Variants in TNIK observed in about 807,000 individuals in gnomAD.
The protein encoded by TNIK is TRAF2 and NCK interacting kinase, also known as TRAF2 and NCK-interacting protein kinase.
Under a neutral mutation model 191.3 loss-of-function variants are expected in TNIK, and 49 were observed. The ratio of observed to expected loss-of-function variants is 0.26; its 90% CI spans 0.20 to 0.32. The LOEUF is 0.32. Among genes scored for constraint, TNIK ranks in the 10% least tolerant of loss-of-function variants. The probability of loss-of-function intolerance (pLI) is 1.00; values close to 1 mark genes in which losing one functional copy is unlikely to be tolerated. For synonymous variants in TNIK, 594 were observed against 600.9 expected (o/e 0.99, Z 0.17); for missense variants, 1,155 against 1,702.3 (o/e 0.68, Z 5.66).
intron 2 of TNIK, among the ~76,000 whole-genome samples, chr3:171,362,925 T>C (rs1438834045): frequency 6.6e-6 from 1 of 152,212 alleles, no homozygotes; most frequent in Non-Finnish European, 1.5e-5. Flanking sequence ...CCACATCTTG[T>C]GCCCATTCAG....
At chr3:171,068,023 G>A (rs774157069) in intron 30 of TNIK, among the ~76,000 whole-genome samples, 15 of 152,114 alleles carry the variant, frequency 9.9e-5, no homozygotes, top group Admixed American at 3.3e-4. Flanking sequence ...ACCAGTCAGC[G>A]GTAGCTTCAA....
chr3:171,182,382 T>G (rs1244007358), intron 7 of TNIK, among the ~76,000 whole-genome samples: 1 of 151,864 alleles, frequency 6.6e-6, no homozygotes, highest in East Asian at 1.9e-4. Flanking sequence ...AAGGAGAAAA[T>G]GCTCCAATTA....
intron 1 of TNIK, among the ~76,000 whole-genome samples, chr3:171,416,357 G>C (rs145091279): frequency 6.6e-6 from 1 of 152,104 alleles, no homozygotes; most frequent in Admixed American, 6.5e-5. Flanking sequence ...CACATATCCG[G>C]AATGTAGGGC....
intron 1 of TNIK, among the ~76,000 whole-genome samples, chr3:171,414,705 T>A (rs1220688817): frequency 2.6e-5 from 4 of 152,230 alleles, no homozygotes; most frequent in Non-Finnish European, 5.9e-5. Flanking sequence ...TATTCGCATA[T>A]CTTTACAAAG....
At chr3:171,244,060 G>GTTTTT (rs34724564) in intron 2 of TNIK, among the ~76,000 whole-genome samples, 120 of 135,934 alleles carry the variant, frequency 8.8e-4, no homozygotes, top group South Asian at 2.4e-3. Flanking sequence ...GACAGAAATA[G>GTTTTT]TTTTTTTTTT....
chr3:171,243,571 C>G (rs1485287036), intron 2 of TNIK, among the ~76,000 whole-genome samples: 5 of 152,134 alleles, frequency 3.3e-5, no homozygotes, highest in Non-Finnish European at 7.3e-5. Context: ...AAGTTAAATT[C>G]ATAGACTCCT....
At chr3:171,123,985 C>T (rs566983789) in intron 17 of TNIK, among the ~76,000 whole-genome samples, 1 of 152,284 alleles carries the variant, frequency 6.6e-6, no homozygotes, top group South Asian at 2.1e-4. Flanking sequence ...AATTTTGATA[C>T]ACTGAGCTAA....
chr3:171,169,126 C>A (rs1734970704), intron 9 of TNIK, among the ~76,000 whole-genome samples: 1 of 152,078 alleles, frequency 6.6e-6, no homozygotes, highest in Non-Finnish European at 1.5e-5. Flanking sequence ...AAACTCCATA[C>A]AGTACTTTTC....
At chr3:171,101,368 C>T (rs1723530258) in intron 22 of TNIK, 81 bp downstream of exon 22, 3 of 1,468,568 alleles carry the variant, frequency 2.0e-6, no homozygotes, top group African/African-American at 1.4e-5. Flanking sequence ...TACAATCTTA[C>T]ATTTAACTCA....
At chr3:171,100,763 GA>G (rs1211897543) in intron 22 of TNIK, among the ~76,000 whole-genome samples, 9 of 91,704 alleles carry the variant, frequency 9.8e-5, no homozygotes, top group East Asian at 6.5e-4. Context: ...AAAAAAAAAA[GA>G]AAAAGGCTAC....
At chr3:171,337,259 C>T (rs1403474273) in intron 2 of TNIK, among the ~76,000 whole-genome samples, 1 of 152,188 alleles carries the variant, frequency 6.6e-6, no homozygotes, top group Non-Finnish European at 1.5e-5. Flanking sequence ...ACGAATACCC[C>T]TTAGCTGGAA....
chr3:171,251,049 A>G (rs1445100454), intron 2 of TNIK, among the ~76,000 whole-genome samples: 1 of 152,240 alleles, frequency 6.6e-6, no homozygotes, highest in Non-Finnish European at 1.5e-5. Context: ...AAACAGCAGA[A>G]GGAAAACCAG....
rs1436463303 is a variant in TNIK, at chr3:171,063,872, G to A, written c.*9C>T. ...AACGCCATGAAGATAAGTGCCAAGT[G>A]CTCTTCTGTTACCAGTTCATCATGG... On this transcript the variant is annotated 3_prime_UTR_variant, in exon 33 of 33. Coordinates refer to ENST00000436636, the MANE Select transcript of TNIK (RefSeq NM_015028.4). The A allele has an allele frequency of 6.2e-7, 1 of 1,613,046 alleles. No homozygotes were observed. The highest frequency in any genetic ancestry group is 1.1e-5 in the South Asian group (1 of 90,948).
At chr3:171,402,494 G>A (rs996550985) in intron 1 of TNIK, among the ~76,000 whole-genome samples, 7 of 152,172 alleles carry the variant, frequency 4.6e-5, no homozygotes, top group African/African-American at 1.7e-4. Flanking sequence ...AGGGAAACAG[G>A]AACAGTACTC....
intron 2 of TNIK, among the ~76,000 whole-genome samples, chr3:171,330,860 A>G (rs1756351198): frequency 6.6e-6 from 1 of 151,902 alleles, no homozygotes. Context: ...GAATTAAAAC[A>G]CTCCCAGGGG....
chr3:171,378,134 C>G (rs1221252248), intron 1 of TNIK, among the ~76,000 whole-genome samples: 1 of 152,100 alleles, frequency 6.6e-6, no homozygotes, highest in Non-Finnish European at 1.5e-5. Flanking sequence ...GCCAGAAGCC[C>G]CAGAGAGGGA....
At chr3:171,416,836 CTT>C (rs1480818616) in intron 1 of TNIK, among the ~76,000 whole-genome samples, 1 of 152,152 alleles carries the variant, frequency 6.6e-6, no homozygotes, top group Non-Finnish European at 1.5e-5. Flanking sequence ...TATTCTCTCT[CTT>C]TCTTTCTCTT....
At chr3:171,322,844 T>C (rs535439796) in intron 2 of TNIK, among the ~76,000 whole-genome samples, 3,230 of 150,242 alleles carry the variant, frequency 0.021, 107 homozygotes, top group African/African-American at 0.074. Flanking sequence ...CTTTTCTTTT[T>C]TTTTTTTTTT....
At chr3:171,378,792 T>C (rs1717619452) in intron 1 of TNIK, among the ~76,000 whole-genome samples, 1 of 152,236 alleles carries the variant, frequency 6.6e-6, no homozygotes, top group South Asian at 2.1e-4. Flanking sequence ...ACAGGCTCTA[T>C]ATACTTATGC....
Sources: allele counts gnomAD v4.1 joint callset (sites outside exome capture counted in the v4.1 genomes callset), GRCh38; gene constraint gnomAD v4.1.1; transcripts MANE v1.5; gene names NCBI Gene and HGNC (gene_info 2026-07-23, HGNC 2026-07-21).